DPYD: variants seen among roughly 807,000 people sequenced by gnomAD.
DPYD encodes dihydropyrimidine dehydrogenase, also known as dihydropyrimidine dehydrogenase [NADP(+)].
Under a neutral mutation model 116.2 loss-of-function variants are expected in DPYD, and 109 were observed. The ratio of observed to expected loss-of-function variants is 0.94; its 90% confidence interval spans 0.80 to 1.10. The LOEUF is 1.10. Among genes scored for constraint, DPYD ranks in the 50% least tolerant of loss-of-function variants. The pLI, the probability that DPYD is intolerant of heterozygous loss-of-function variation, is 0.00. For synonymous variants in DPYD, 440 were observed against 432.0 expected, an observed-to-expected ratio of 1.02 and a Z score of -0.23; for missense variants, 1,302 against 1,254.5, an observed-to-expected ratio of 1.04 and a Z score of -0.57.
At chr1:97,432,905 A>T (rs1481050516) in intron 14 of DPYD, among the ~76,000 whole-genome samples, 1 of 152,156 alleles carries the variant, frequency 6.6e-6, no homozygotes, top group Non-Finnish European at 1.5e-5. Flanking sequence ...TGAGTCCCAG[A>T]AAGACTCTAG....
intron 18 of DPYD, among the ~76,000 whole-genome samples, chr1:97,262,776 C>T (rs1663973179): frequency 6.6e-6 from 1 of 151,908 alleles, no homozygotes; most frequent in Non-Finnish European, 1.5e-5. Context: ...AGACTTAGGT[C>T]TACAGCAGGT....
At chr1:97,618,940 C>A (rs1656467053) in intron 8 of DPYD, among the ~76,000 whole-genome samples, 1 of 152,214 alleles carries the variant, frequency 6.6e-6, no homozygotes, top group South Asian at 2.1e-4. Flanking sequence ...AGGATGCAAT[C>A]TTGTGTCTCA....
intron 16 of DPYD, among the ~76,000 whole-genome samples, chr1:97,364,587 C>T (rs1291097785): frequency 6.6e-6 from 1 of 152,008 alleles, no homozygotes; most frequent in Non-Finnish European, 1.5e-5. Flanking sequence ...ACTTAAAGTG[C>T]TTTTGGTGAG....
intron 8 of DPYD, among the ~76,000 whole-genome samples, chr1:97,662,924 G>A (rs182242712): frequency 2.8e-4 from 42 of 152,186 alleles, no homozygotes; most frequent in African/African-American, 8.9e-4. Context: ...ATTTTTTCTC[G>A]TTCTGCATAG....
chr1:97,286,082 C>T (rs6593643), intron 18 of DPYD, among the ~76,000 whole-genome samples: 143,963 of 152,226 alleles, frequency 0.95, 68,617 homozygotes, highest in East Asian at 1. Flanking sequence ...CCATGTTTAG[C>T]GCTTCCTTCA....
At chr1:97,565,216 C>T (rs930581296) in intron 11 of DPYD, among the ~76,000 whole-genome samples, 3 of 151,966 alleles carry the variant, frequency 2.0e-5, no homozygotes, top group African/African-American at 7.2e-5. Context: ...ATGCATTTGC[C>T]TACTAACATG....
intron 7 of DPYD, 29 bp downstream of exon 7, chr1:97,691,688 G>T: frequency 6.3e-7 from 1 of 1,578,192 alleles, no homozygotes; most frequent in Non-Finnish European, 8.7e-7. Flanking sequence ...TTTTTGAGCA[G>T]TACACAGATA....
At chr1:97,788,569 A>C (rs1175351326) in intron 3 of DPYD, among the ~76,000 whole-genome samples, 1 of 152,152 alleles carries the variant, frequency 6.6e-6, no homozygotes, top group Non-Finnish European at 1.5e-5. Flanking sequence ...AATTGCAAAA[A>C]ATTATAAGTT....
intron 12 of DPYD, among the ~76,000 whole-genome samples, chr1:97,542,291 C>G (rs1650504306): frequency 6.6e-6 from 1 of 152,082 alleles, no homozygotes; most frequent in African/African-American, 2.4e-5. Context: ...AACTTATGGA[C>G]CAAACAGAGA....
rs1650418166 is a variant in DPYD at position 97,098,351 on chromosome 1, GA to G, written c.2766+137del. 7 of 1,016,002 alleles carry G rather than the reference GA, an allele frequency of 6.9e-6. No homozygotes were observed. The South Asian group carries it at 1.1e-4, about 16-fold the overall frequency. The allele number at this position is 1,016,002 out of a possible 1,614,324, so 62.9% of individuals were successfully genotyped here. ...TAATTTAAATGCAGTTTTCACCATGGACAGATGTTTTTAAAACTTTCATTAT... is the reference window on the plus strand; with the variant it reads ...TAATTTAAATGCAGTTTTCACCATGGCAGATGTTTTTAAAACTTTCATTAT... On this transcript the variant is annotated intron_variant, in intron 21 of 22. Transcript: ENST00000370192.
rs183213436 is a variant in DPYD, at chr1:97,234,712, A to C, written c.2442+140T>G. The C allele has an allele frequency of 3.9e-6, 4 of 1,029,726 alleles. No homozygotes were observed. In the East Asian group the frequency reaches 1.0e-4, roughly 27 times the overall value. The allele number at this position is 1,029,726 out of a possible 1,614,324, so 63.8% of individuals were successfully genotyped here. A position where few individuals can be genotyped will look rare whatever the true frequency, so the allele number is the denominator to read the frequency against. On this transcript the variant is annotated intron_variant, in intron 19 of 22. Coordinates refer to ENST00000370192, the MANE Select transcript of DPYD (RefSeq NM_000110.4). ...TCTTCATAACTTGTCAGAGGAACTTAATACATGCTGCCATTTTGATCCCAA... is the reference window on the plus strand; with the variant it reads ...TCTTCATAACTTGTCAGAGGAACTTCATACATGCTGCCATTTTGATCCCAA...
At chr1:97,653,988 A>G (rs758002910) in intron 8 of DPYD, among the ~76,000 whole-genome samples, 1 of 152,166 alleles carries the variant, frequency 6.6e-6, no homozygotes, top group Non-Finnish European at 1.5e-5. Flanking sequence ...TCTAGCAGTG[A>G]TCAATATTGT....
chr1:97,206,676 A>C (rs1659644931), intron 19 of DPYD, among the ~76,000 whole-genome samples: 1 of 100,492 alleles, frequency 1.0e-5, no homozygotes, highest in East Asian at 3.4e-4. Context: ...ATATATATAT[A>C]TATATATATA....
chr1:97,400,483 T>A (rs930565589), intron 14 of DPYD, among the ~76,000 whole-genome samples: 2 of 152,206 alleles, frequency 1.3e-5, no homozygotes, highest in Non-Finnish European at 2.9e-5. Flanking sequence ...TAGGGAGGAT[T>A]CCCTTTTTTT....
chr1:97,584,990 A>G (rs1191443097), intron 10 of DPYD, among the ~76,000 whole-genome samples: 1 of 151,000 alleles, frequency 6.6e-6, no homozygotes, highest in African/African-American at 2.4e-5. Context: ...TAAAATGTGT[A>G]CTTATTTAAA....
intron 8 of DPYD, among the ~76,000 whole-genome samples, chr1:97,663,425 G>A (rs947788951): frequency 1.3e-5 from 2 of 152,086 alleles, no homozygotes; most frequent in Non-Finnish European, 2.9e-5. Flanking sequence ...TTCACTAACA[G>A]TATCTAATCA....
chr1:97,179,050 G>A (rs1037826495), intron 20 of DPYD, among the ~76,000 whole-genome samples: 3 of 152,106 alleles, frequency 2.0e-5, no homozygotes, highest in East Asian at 1.9e-4. Flanking sequence ...AAAGTAAGTC[G>A]CTCACTCATA....
intron 20 of DPYD, among the ~76,000 whole-genome samples, chr1:97,105,380 C>T (rs750146127): frequency 1.3e-5 from 2 of 152,092 alleles, no homozygotes; most frequent in South Asian, 2.1e-4. Flanking sequence ...CAGGGAGAGC[C>T]ACTATTTAAT....
intron 18 of DPYD, among the ~76,000 whole-genome samples, chr1:97,285,903 C>T (rs1283336910): frequency 6.6e-6 from 1 of 151,934 alleles, no homozygotes; most frequent in Non-Finnish European, 1.5e-5. Flanking sequence ...TTTAACTGGA[C>T]CATTTAGTCC....
Sources: gnomAD v4.1 joint callset for allele counts (sites outside exome capture counted in the v4.1 genomes callset) on GRCh38, gnomAD v4.1.1 for gene constraint, MANE v1.5 for transcripts, NCBI Gene and HGNC (gene_info 2026-07-23, HGNC 2026-07-21) for gene names.